CELF2: variants seen among roughly 807,000 people sequenced by gnomAD.
CELF2 encodes CUG triplet repeat RNA-binding protein 2.
CELF2 carries 8 observed loss-of-function variants against 62.6 expected under a neutral mutation model. The observed-to-expected ratio is 0.13, with a 90% CI of 0.07 to 0.23. The LOEUF (loss-of-function observed/expected upper bound fraction) is 0.23, where lower values mean the gene tolerates loss of function less well. Among genes scored for constraint, CELF2 ranks in the 10% least tolerant of loss-of-function variants. The pLI is 1.00. For synonymous variants in CELF2, 258 were observed against 250.0 expected (o/e 1.03, Z -0.30); for missense variants, 333 against 671.0 (o/e 0.50, Z 5.56).
chr10:10,580,980 A>G, the CELF2 span, among the ~76,000 whole-genome samples: 1 of 152,228 alleles, frequency 6.6e-6, no homozygotes, highest in African/African-American at 2.4e-5. Flanking sequence ...GGTTACAATT[A>G]TAGAAAAATA....
the CELF2 span, among the ~76,000 whole-genome samples, chr10:10,509,646 C>G: frequency 6.6e-6 from 1 of 152,220 alleles, no homozygotes; most frequent in Non-Finnish European, 1.5e-5. Flanking sequence ...AAATCCCAGC[C>G]TGCCCCAGGA....
At chr10:10,600,910 G>A in the CELF2 span, among the ~76,000 whole-genome samples, 87 of 152,304 alleles carry the variant, frequency 5.7e-4, no homozygotes, top group African/African-American at 2.0e-3. Context: ...CTGAAGCACA[G>A]AGAGGTGCAG....
At chr10:10,622,478 G>A in the CELF2 span, among the ~76,000 whole-genome samples, 5,214 of 150,750 alleles carry the variant, frequency 0.035, 195 homozygotes, top group African/African-American at 0.098. Context: ...GTGTGTGTGT[G>A]TATATATATA....
At chr10:10,987,785 CA>C (rs557706535) in intron 2 of CELF2, among the ~76,000 whole-genome samples, 404 of 152,074 alleles carry the variant, frequency 2.7e-3, no homozygotes, top group Non-Finnish European at 3.6e-3. Context: ...ATAATCCCAT[CA>C]AAAAGTAGGC....
Position 11,165,083 on chromosome 10 carries a change from A to G in CELF2, c.75-403A>G. On this transcript the variant is annotated intron_variant, in intron 1 of 12. Transcript: ENST00000633077. This position sits in a 1 kb window ranked among gnomAD's most constrained non-coding sequence, Gnocchi z 7.4. ...AGGGAGAGGGAGAGAAATCCAGCAG[A>G]CATCTAGCTCTGCCTTTCTTTCCCA... The G allele has an allele frequency of 1.0e-6, 1 of 993,120 alleles. No homozygotes were observed. The highest frequency in any genetic ancestry group is 1.2e-6 in the Non-Finnish European group (1 of 834,540). The allele number at this position is 993,120 out of a possible 1,614,324, so 61.5% of individuals were successfully genotyped here.
the CELF2 span, among the ~76,000 whole-genome samples, chr10:10,672,896 T>C: frequency 7.2e-5 from 11 of 152,310 alleles, no homozygotes; most frequent in East Asian, 1.5e-3. Flanking sequence ...AAAACCGACT[T>C]GCCAGTATTG....
chr10:11,138,587 A>G (rs540846481), intron 1 of CELF2, among the ~76,000 whole-genome samples: 25 of 152,352 alleles, frequency 1.6e-4, no homozygotes, highest in Non-Finnish European at 2.6e-4. Flanking sequence ...AGAATTTATC[A>G]TCGAACAGTA....
chr10:10,945,960 T>A (rs539776526), intron 2 of CELF2: 6 of 152,672 alleles, frequency 3.9e-5, no homozygotes, highest in South Asian at 4.1e-4. Context: ...AGAGCAAGAT[T>A]TATACAAATT....
At chr10:11,005,120 G>T (rs971063743), upstream of CELF2, 12 of 985,182 alleles carry the variant, frequency 1.2e-5, no homozygotes, top group Middle Eastern at 5.2e-4. The surrounding 1 kb of genome is among the most constrained non-coding windows in gnomAD (Gnocchi z 4.3). Flanking sequence ...GCAGCACAGT[G>T]TATTAGTGTA....
In CELF2 at chr10:11,320,735, C is replaced by T; in HGVS notation, c.1097-454C>T. On this transcript the variant is annotated intron_variant, in intron 10 of 12. Transcript: ENST00000633077. ...GGAAAAAAGTTTTATTTCATCCTTT[C>T]CTCCTCAGCCCTGCAAGCTATCCCA... is the stretch of plus-strand genomic sequence containing the variant. The T allele has an allele frequency of 3.9e-6, 4 of 1,022,092 alleles. 1 individual carries two copies. In the South Asian group the frequency reaches 4.6e-5, roughly 12 times the overall value. The allele number at this position is 1,022,092 out of a possible 1,614,324, so 63.3% of individuals were successfully genotyped here.
chr10:10,501,917 T>C, the CELF2 span, among the ~76,000 whole-genome samples: 1 of 152,194 alleles, frequency 6.6e-6, no homozygotes, highest in Non-Finnish European at 1.5e-5. Context: ...TCTTTAATGC[T>C]TTTTAGCAAG....
chr10:11,057,233 T>C (rs1276454215), intron 1 of CELF2, among the ~76,000 whole-genome samples: 3 of 150,844 alleles, frequency 2.0e-5, no homozygotes, highest in African/African-American at 7.3e-5. Flanking sequence ...GTGTGGGTCA[T>C]ACGAGGTGCG....
the CELF2 span, among the ~76,000 whole-genome samples, chr10:10,746,610 T>G: frequency 6.6e-6 from 1 of 152,226 alleles, no homozygotes; most frequent in South Asian, 2.1e-4. Context: ...GACCTCCCTC[T>G]GCTTAAGACT....
intron 8 of CELF2, among the ~76,000 whole-genome samples, chr10:11,275,741 T>A (rs569289779): frequency 8.1e-4 from 123 of 152,314 alleles, no homozygotes; most frequent in Non-Finnish European, 9.7e-4. Context: ...GTTGAAGGAT[T>A]CCTTCTTCTA....
chr10:10,494,499 T>G, the CELF2 span, among the ~76,000 whole-genome samples: 1 of 152,214 alleles, frequency 6.6e-6, no homozygotes, highest in Admixed American at 6.5e-5. Flanking sequence ...GTGTTTTACA[T>G]ACGGGAAGAA....
At chr10:11,234,456 G>A (rs373085702) in intron 3 of CELF2, among the ~76,000 whole-genome samples, 1 of 152,202 alleles carries the variant, frequency 6.6e-6, no homozygotes, top group African/African-American at 2.4e-5. Flanking sequence ...GCCGAGGCGG[G>A]TGGATCACGA....
At chr10:11,222,099 A>G (rs1401878057) in intron 3 of CELF2, among the ~76,000 whole-genome samples, 2 of 151,846 alleles carry the variant, frequency 1.3e-5, no homozygotes, top group Admixed American at 6.6e-5. Context: ...AGCAGGCTTC[A>G]CTCTGCTCGC....
chr10:11,181,304 T>C (rs1356533819), intron 2 of CELF2, among the ~76,000 whole-genome samples: 2 of 152,246 alleles, frequency 1.3e-5, no homozygotes, highest in African/African-American at 2.4e-5. Context: ...CTTGTCAAAC[T>C]GACGTTACCT....
At chr10:10,596,482 G>A in the CELF2 span, among the ~76,000 whole-genome samples, 1 of 152,120 alleles carries the variant, frequency 6.6e-6, no homozygotes, top group African/African-American at 2.4e-5. Context: ...CATGGTGGGT[G>A]GGTAGCAATC....
Sources: gnomAD v4.1 joint callset for allele counts (sites outside exome capture counted in the v4.1 genomes callset) on GRCh38, gnomAD v4.1.1 for gene constraint, Gnocchi (gnomAD v3.1) non-coding constraint, MANE v1.5 for transcripts, NCBI Gene and HGNC (gene_info 2026-07-23, HGNC 2026-07-21) for gene names.